ZNF469: variants seen among roughly 807,000 people sequenced by gnomAD.
ZNF469 encodes zinc finger protein 469.
ZNF469 carries 1 observed loss-of-function variant against 1.0 expected under a neutral mutation model. The observed-to-expected ratio is 1.00, with a 90% CI of 0.35 to 4.73. ZNF469 has a LOEUF of 4.73. Among genes scored for constraint, ZNF469 ranks in the 30% most tolerant of loss-of-function variants. ZNF469 has a pLI of 0.16. For synonymous variants in ZNF469, 2,703 were observed against 2,363.4 expected (o/e 1.14, Z -4.17); for missense variants, 6,100 against 5,356.3 (o/e 1.14, Z -4.33).
At chr16:88,319,915 A>G in the ZNF469 span, among the ~76,000 whole-genome samples, 1 of 152,354 alleles carries the variant, frequency 6.6e-6, no homozygotes, top group African/African-American at 2.4e-5. Context: ...CAAAGCCAGA[A>G]TGGTGGGCTC....
At chr16:88,193,114 G>GTGATGGTGGTGGTGATGGTGT in the ZNF469 span, among the ~76,000 whole-genome samples, 1 of 65,864 alleles carries the variant, frequency 1.5e-5, no homozygotes, top group Non-Finnish European at 3.1e-5. Context: ...GGTGGTGGTG[G>GTGATGGTGGTGGTGATGGTGT]TGATGGTGGT....
intron 1 of ZNF469, among the ~76,000 whole-genome samples, chr16:88,402,497 C>T (rs1339343280): frequency 6.6e-6 from 1 of 152,036 alleles, no homozygotes; most frequent in Non-Finnish European, 1.5e-5. Flanking sequence ...CTACCTGGGC[C>T]AAGTTGTGTT....
the ZNF469 span, among the ~76,000 whole-genome samples, chr16:88,147,308 G>A: frequency 1.1e-4 from 16 of 152,230 alleles, no homozygotes; most frequent in Admixed American, 5.9e-4. Flanking sequence ...TGCCCTCACC[G>A]TAGCCCAGGG....
upstream of ZNF469, among the ~76,000 whole-genome samples, chr16:88,378,493 C>G (rs1816953160): frequency 6.6e-6 from 1 of 152,212 alleles, no homozygotes; most frequent in Non-Finnish European, 1.5e-5. Flanking sequence ...TCCTGCTGCA[C>G]CCAGGAGCCG....
chr16:88,186,306 T>A, the ZNF469 span, among the ~76,000 whole-genome samples: 5 of 152,350 alleles, frequency 3.3e-5, no homozygotes, highest in Admixed American at 6.5e-5. Context: ...GCTAATGGCA[T>A]CCACACTTGG....
chr16:88,293,436 G>A, the ZNF469 span, among the ~76,000 whole-genome samples: 1,152 of 152,132 alleles, frequency 7.6e-3, 17 homozygotes, highest in African/African-American at 0.026. Flanking sequence ...TGGTTAAATC[G>A]GTACGTGGTA....
chr16:88,166,356 T>G, the ZNF469 span, among the ~76,000 whole-genome samples: 49 of 152,304 alleles, frequency 3.2e-4, no homozygotes, highest in East Asian at 9.5e-3. The surrounding 1 kb of genome is among the most constrained non-coding windows in gnomAD (Gnocchi z 4.5). Flanking sequence ...GCAAGCATGA[T>G]TCACTCTAAA....
At chr16:88,299,292 C>T in the ZNF469 span, among the ~76,000 whole-genome samples, 1 of 149,824 alleles carries the variant, frequency 6.7e-6, no homozygotes, top group South Asian at 2.1e-4. Context: ...GCGAGGGCTT[C>T]CTGAAGGAGG....
the ZNF469 span, among the ~76,000 whole-genome samples, chr16:88,121,817 A>G: frequency 6.6e-6 from 1 of 152,190 alleles, no homozygotes; most frequent in Non-Finnish European, 1.5e-5. Flanking sequence ...TTTACTGTTT[A>G]TGATTAGGAA....
At chr16:88,237,945 T>A in the ZNF469 span, among the ~76,000 whole-genome samples, 1 of 152,226 alleles carries the variant, frequency 6.6e-6, no homozygotes, top group Non-Finnish European at 1.5e-5. Context: ...TCCAATGGGC[T>A]TCTTCACCTA....
the ZNF469 span, among the ~76,000 whole-genome samples, chr16:88,337,460 G>A: frequency 2.0e-5 from 3 of 152,174 alleles, no homozygotes; most frequent in African/African-American, 2.4e-5. Flanking sequence ...ACCCAGTCTC[G>A]GGTATGTCTT....
chr16:88,208,795 ACACACACACTCTCT>A, the ZNF469 span, among the ~76,000 whole-genome samples: 30 of 38,248 alleles, frequency 7.8e-4, no homozygotes, highest in East Asian at 9.4e-3. Context: ...ACACACACAC[ACACACACACTCTCT>A]CTCTCTCTCT....
intron 1 of ZNF469, among the ~76,000 whole-genome samples, chr16:88,390,352 C>A (rs1299946741): frequency 6.6e-6 from 1 of 152,184 alleles, no homozygotes; most frequent in Non-Finnish European, 1.5e-5. Context: ...GGTCAGGGCA[C>A]CTGTCCAGAG....
At chr16:88,201,844 G>A in the ZNF469 span, among the ~76,000 whole-genome samples, 2 of 152,242 alleles carry the variant, frequency 1.3e-5, no homozygotes, top group Non-Finnish European at 2.9e-5. This position sits in a 1 kb window ranked among gnomAD's most constrained non-coding sequence, Gnocchi z 5.0. Context: ...TGGCAGGGGT[G>A]GGGGAGCTCT....
rs1339698310 is a variant in ZNF469, at chr16:88,432,261, G to A, written c.4791G>A (p.Val1597=). The A allele has an allele frequency of 5.2e-6, 8 of 1,547,810 alleles. No individual in the cohort carries two copies. Among genetic ancestry groups the A allele is most frequent in the Non-Finnish European group, 7.0e-6 (8 of 1,146,974 alleles). The change falls in exon 3 of 3, where the codon GTG becomes GTA. Residue 1597 remains valine (V), a synonymous_variant. Coordinates refer to ENST00000565624, the MANE Select transcript of ZNF469 (RefSeq NM_001367624.2). Reference sequence around the variant, plus strand: ...CAGAAGCTGAGTCGGTGGGCAGGGTGGAGCTCGGCACAGGCACAGAGCCAC... The same window carrying A: ...CAGAAGCTGAGTCGGTGGGCAGGGTAGAGCTCGGCACAGGCACAGAGCCAC... The part of the protein sequence containing the change: ...ELAEAESVGR[V]ELGTGTEPPS...
At chr16:88,425,575 C>T (rs537652044) in intron 2 of ZNF469, among the ~76,000 whole-genome samples, 1 of 152,346 alleles carries the variant, frequency 6.6e-6, no homozygotes, top group African/African-American at 2.4e-5. Context: ...CCTCTCTGTG[C>T]CTGGATTCCT....
the ZNF469 span, among the ~76,000 whole-genome samples, chr16:88,320,165 G>A: frequency 6.6e-6 from 1 of 152,232 alleles, no homozygotes; most frequent in Non-Finnish European, 1.5e-5. Flanking sequence ...TAAACAGGCT[G>A]AGTGCCTTGC....
chr16:88,390,771 T>C (rs1167184582), intron 1 of ZNF469, among the ~76,000 whole-genome samples: 2 of 151,970 alleles, frequency 1.3e-5, no homozygotes, highest in African/African-American at 4.8e-5. Context: ...GCTGGGTGGG[T>C]TTTGAACGGT....
intron 1 of ZNF469, among the ~76,000 whole-genome samples, chr16:88,411,329 TCCAGAGCCCAACGCAGCC>T (rs915608738): frequency 5.9e-5 from 9 of 151,864 alleles, no homozygotes; most frequent in African/African-American, 2.2e-4. Flanking sequence ...GGCCGAGGCC[TCCAGAGCCCAACGCAGCC>T]CCGGCGGGTG....
Sources: allele counts gnomAD v4.1 joint callset (sites outside exome capture counted in the v4.1 genomes callset), GRCh38; gene constraint gnomAD v4.1.1; non-coding constraint Gnocchi (gnomAD v3.1); transcripts MANE v1.5; gene names NCBI Gene and HGNC (gene_info 2026-07-23, HGNC 2026-07-21).